The following POLE2 variants were observed in gnomAD, a reference collection of about 807,000 sequenced individuals.
POLE2 encodes the protein DNA polymerase epsilon subunit 2.
In POLE2, 56 loss-of-function variants were observed where a neutral mutation model predicts 79.4. The observed-to-expected ratio is 0.71, with a 90% CI of 0.57 to 0.88. The LOEUF (loss-of-function observed/expected upper bound fraction) is 0.88, where lower values mean the gene tolerates loss of function less well. POLE2 is among the 40% of genes least tolerant of loss of function. POLE2 has a pLI of 0.00. For synonymous variants in POLE2, 212 were observed against 214.0 expected (o/e 0.99, Z 0.08); for missense variants, 598 against 638.9 (o/e 0.94, Z 0.69).
intron 4 of POLE2, 22 bp from the exon 5 acceptor site, chr14:49,674,238 T>C: frequency 6.5e-7 from 1 of 1,546,094 alleles, no homozygotes; most frequent in Non-Finnish European, 8.9e-7. Flanking sequence ...GAATGCCTAT[T>C]TTTGACTATC....
At chr14:49,645,795 TA>T (rs1236471438) in intron 18 of POLE2, among the ~76,000 whole-genome samples, 30 of 152,210 alleles carry the variant, frequency 2.0e-4, no homozygotes, top group African/African-American at 7.2e-4. Context: ...CACACCCAGC[TA>T]ATTTTTTGTA....
At position 49,664,657 on chromosome 14, in the gene POLE2, T is replaced by A; in HGVS notation, c.651A>T (p.Leu217Phe). 2 of 1,593,500 alleles carry A rather than the reference T, an allele frequency of 1.3e-6. No homozygotes were observed. Among genetic ancestry groups the A allele is most frequent in the East Asian group, 4.5e-5 (2 of 44,686 alleles). The change falls in exon 9 of 19, where the codon TTA (leucine) becomes TTT (phenylalanine). Residue 217 changes from leucine to phenylalanine, a missense_variant. By Grantham distance (22) the Leu-to-Phe change is conservative (BLOSUM62 0). Coordinates refer to ENST00000216367, the MANE Select transcript of POLE2 (RefSeq NM_002692.4). ...CTAAGACAAAGCATGCCTCTGTGTA[T>A]AAACCACTATGGAACTGGTACACAA... ...DLSKAQFHSG[L>F]YTEACFVLAE...
At chr14:49,671,621 A>G (rs1335286141) in intron 5 of POLE2, among the ~76,000 whole-genome samples, 1 of 148,424 alleles carries the variant, frequency 6.7e-6, no homozygotes. Context: ...TGCCTCAGAA[A>G]AAAAAAAAAA....
intron 10 of POLE2, among the ~76,000 whole-genome samples, chr14:49,656,733 C>T (rs1025046617): frequency 7.9e-5 from 12 of 152,176 alleles, no homozygotes; most frequent in Non-Finnish European, 1.5e-4. Context: ...ACCCCATAGG[C>T]CTCCTCTGAG....
Position 49,669,565 on chromosome 14 carries a change from C to T in POLE2, c.451G>A (p.Val151Met), listed in dbSNP as rs758578486. The change falls in exon 6 of 19, where the codon GTG (valine) becomes ATG (methionine). Residue 151 changes from valine to methionine, a missense_variant. Physicochemically the swap from Val to Met is conservative, Grantham distance 21. Coordinates refer to ENST00000216367, the MANE Select transcript of POLE2 (RefSeq NM_002692.4). ...CTTTCATCAGGGTGAGAACCTATCACCGGAGGAGTAAATAATTCATGCCTG... is the reference window on the plus strand; with the variant it reads ...CTTTCATCAGGGTGAGAACCTATCATCGGAGGAGTAAATAATTCATGCCTG... The part of the protein sequence containing the change: ...THRHELFTPP[V>M]IGSHPDESGS... 1.2e-5 allele frequency: 19 copies of T among 1,600,052 alleles called. No individual in the cohort carries two copies. The highest frequency in any genetic ancestry group is 2.7e-5 in the African/African-American group (2 of 74,620).
chr14:49,667,420 A>G (rs1274614198), intron 6 of POLE2, among the ~76,000 whole-genome samples: 2 of 152,234 alleles, frequency 1.3e-5, no homozygotes, highest in Non-Finnish European at 2.9e-5. Flanking sequence ...AGAGATATCT[A>G]TATTATACAT....
At chr14:49,688,083 A>G (rs1566580310) in intron 1 of POLE2, 53 bp downstream of exon 1, 7 of 1,388,068 alleles carry the variant, frequency 5.0e-6, no homozygotes, top group Non-Finnish European at 6.9e-6. Context: ...CGCACCAGGC[A>G]GACGGGCCCC....
chr14:49,663,237 G>T, intron 10 of POLE2, 78 bp downstream of exon 10: 1 of 621,256 alleles, frequency 1.6e-6, no homozygotes, highest in South Asian at 3.8e-5. Context: ...TAGTAACTGA[G>T]ATATGACGTA....
chr14:49,663,611 G>C (rs758831642), intron 9 of POLE2, among the ~76,000 whole-genome samples: 3 of 152,120 alleles, frequency 2.0e-5, no homozygotes, highest in Non-Finnish European at 2.9e-5. Flanking sequence ...TCACTTTTCA[G>C]TTTGGCAGTA....
chr14:49,654,018 A>G lies in POLE2; in HGVS notation c.1183T>C (p.Phe395Leu). 2 of 1,595,702 alleles carry G rather than the reference A, an allele frequency of 1.3e-6. No individual in the cohort carries two copies. The highest frequency in any genetic ancestry group is 1.7e-6 in the Non-Finnish European group (2 of 1,163,996). The change falls in exon 15 of 19, where the codon TTT (phenylalanine) becomes CTT (leucine). Residue 395 changes from phenylalanine to leucine, a missense_variant. Transcript: ENST00000216367. Reference protein sequence around the residue: ...ITNEFRQRVPFSVFTTNPCRI... With the variant: ...ITNEFRQRVPLSVFTTNPCRI... ...CAAGGATTAGTAGTAAAAACTGAAAATGGTACCCTTTGTCTGAATTCATTA... is the reference window on the plus strand; with the variant it reads ...CAAGGATTAGTAGTAAAAACTGAAAGTGGTACCCTTTGTCTGAATTCATTA...
intron 17 of POLE2, among the ~76,000 whole-genome samples, chr14:49,648,823 A>C (rs1286227765): frequency 6.6e-6 from 1 of 152,202 alleles, no homozygotes; most frequent in African/African-American, 2.4e-5. Flanking sequence ...TGAGGAAAGC[A>C]AAGTAGAGAC....
At position 49,648,320 on chromosome 14, in the gene POLE2, G is replaced by A. The variant is rs148322155; in HGVS notation, c.1498-960C>T. On this transcript the variant is annotated intron_variant, in intron 17 of 18. Transcript: ENST00000216367. ...AATGTCTAAGGCTAGTTTTGAGCTT[G>A]CCCAAAAGGTATAAATAAGGTAAAA... 1.1e-3 allele frequency among the ~76,000 whole-genome samples: 173 copies of A among 152,306 alleles called. 4 individuals carry two copies. The East Asian group carries it at 0.019, about 17-fold the overall frequency.
At chr14:49,658,697 C>T (rs1884888302) in intron 10 of POLE2, among the ~76,000 whole-genome samples, 1 of 152,202 alleles carries the variant, frequency 6.6e-6, no homozygotes. Flanking sequence ...TCTTAGCTGT[C>T]ACAATGTCCT....
chr14:49,679,294 T>C (rs997869881), intron 3 of POLE2, among the ~76,000 whole-genome samples: 4 of 152,156 alleles, frequency 2.6e-5, no homozygotes, highest in African/African-American at 9.7e-5. Context: ...AAACATGACA[T>C]AGTGGAGTCA....
At chr14:49,675,436 TTTTTTG>T (rs1240134225) in intron 3 of POLE2, among the ~76,000 whole-genome samples, 4 of 151,790 alleles carry the variant, frequency 2.6e-5, no homozygotes, top group African/African-American at 4.8e-5. Context: ...ATTTTTTATT[TTTTTTG>T]TTTTTGTTTT....
rs35984833 is a variant in POLE2 at position 49,682,640 on chromosome 14, G to GAAAAAAAAAAAAA, written c.169+940_169+952dup. On this transcript the variant is annotated intron_variant, in intron 2 of 18. Coordinates refer to ENST00000216367, the MANE Select transcript of POLE2 (RefSeq NM_002692.4). ...CGACAGTGCAAGACTCCTTCTCAGG[G>GAAAAAAAAAAAAA]AAAAAAAAAAAAAAAAAAAAAAAAA... Among the ~76,000 whole-genome samples the GAAAAAAAAAAAAA allele has an allele frequency of 6.6e-5, 4 of 60,976 alleles. 1 individual carries two copies. Among genetic ancestry groups the GAAAAAAAAAAAAA allele is most frequent in the African/African-American group, 2.3e-4 (4 of 17,430 alleles). The allele number at this position is 60,976 out of a possible 152,430, so 40.0% of individuals were successfully genotyped here.
chr14:49,671,029 C>G (rs1275134542), intron 5 of POLE2, among the ~76,000 whole-genome samples: 1 of 152,192 alleles, frequency 6.6e-6, no homozygotes, highest in Non-Finnish European at 1.5e-5. Context: ...ATGATAACAT[C>G]AGATTCATTT....
At chr14:49,660,632 T>C (rs1885033734) in intron 10 of POLE2, among the ~76,000 whole-genome samples, 1 of 152,104 alleles carries the variant, frequency 6.6e-6, no homozygotes, top group Non-Finnish European at 1.5e-5. Flanking sequence ...CTCACACCTA[T>C]AATCCCAGCC....
At chr14:49,658,620 G>A (rs748248038) in intron 10 of POLE2, among the ~76,000 whole-genome samples, 4 of 152,126 alleles carry the variant, frequency 2.6e-5, no homozygotes, top group Non-Finnish European at 5.9e-5. Context: ...TGGCAATGAC[G>A]GACTGCATAT....
Sources: allele counts gnomAD v4.1 joint callset (sites outside exome capture counted in the v4.1 genomes callset), GRCh38; gene constraint gnomAD v4.1.1; transcripts MANE v1.5; gene names NCBI Gene and HGNC (gene_info 2026-07-23, HGNC 2026-07-21).